The following TAOK1 variants were observed in gnomAD, a reference collection of about 807,000 sequenced individuals.
TAOK1 encodes the protein serine/threonine-protein kinase TAO1.
Under a neutral mutation model 138.3 loss-of-function variants are expected in TAOK1, and 21 were observed. That is an observed-to-expected ratio of 0.15 (90% CI 0.11 to 0.22). The LOEUF (loss-of-function observed/expected upper bound fraction) is 0.22. Among genes scored for constraint, TAOK1 ranks in the 10% least tolerant of loss-of-function variants. TAOK1 has a pLI of 1.00. For synonymous variants in TAOK1, 361 were observed against 398.4 expected (o/e 0.91, Z 1.12); for missense variants, 651 against 1,227.7 (o/e 0.53, Z 7.02).
intron 3 of TAOK1, among the ~76,000 whole-genome samples, chr17:29,473,841 C>T (rs561493539): frequency 6.6e-6 from 1 of 151,950 alleles, no homozygotes; most frequent in Admixed American, 6.6e-5. Context: ...ATTCTCCTTC[C>T]TCTGCGTTTC....
intron 11 of TAOK1, among the ~76,000 whole-genome samples, chr17:29,495,990 A>G (rs376077920): frequency 5.3e-4 from 81 of 152,272 alleles, no homozygotes; most frequent in Middle Eastern, 3.4e-3. Context: ...ATGGTACACA[A>G]TGTCATAATG....
intron 17 of TAOK1, among the ~76,000 whole-genome samples, chr17:29,528,340 G>A (rs1012026529): frequency 1.3e-5 from 2 of 152,058 alleles, no homozygotes; most frequent in Admixed American, 6.6e-5. Context: ...GAGCCACCAC[G>A]CCTGGCCAAG....
chr17:29,472,630 A>G (rs1028874765), intron 3 of TAOK1, among the ~76,000 whole-genome samples: 1 of 146,506 alleles, frequency 6.8e-6, no homozygotes. Flanking sequence ...CTGGGGTGCA[A>G]TGGCACTATC....
intron 15 of TAOK1, chr17:29,511,742 T>G (rs1416878514): frequency 6.6e-6 from 1 of 152,108 alleles, no homozygotes; most frequent in Non-Finnish European, 1.5e-5. Flanking sequence ...AGACAGGGTC[T>G]TGCCATGTTG....
chr17:29,530,347 T>A lies in TAOK1; in HGVS notation c.2149-60T>A, dbSNP rs1019994710. The A allele has an allele frequency of 1.3e-5, 18 of 1,431,994 alleles. No homozygotes were observed. The African/African-American group carries it at 2.0e-4, about 16-fold the overall frequency. The allele number at this position is 1,431,994 out of a possible 1,614,324, so 88.7% of individuals were successfully genotyped here. A position where few individuals can be genotyped will look rare whatever the true frequency, so the allele number is the denominator to read the frequency against. On this transcript the variant is annotated intron_variant, in intron 17 of 19. Coordinates refer to ENST00000261716, the MANE Select transcript of TAOK1 (RefSeq NM_020791.4). ...GCCTTTATTTTCATGTATGTAAGCA[T>A]ACCATATACCAAATGCCTTTCGTTA...
intron 3 of TAOK1, among the ~76,000 whole-genome samples, chr17:29,475,084 G>A (rs2030915978): frequency 6.6e-6 from 1 of 151,808 alleles, no homozygotes; most frequent in Non-Finnish European, 1.5e-5. Flanking sequence ...GGGACTATAG[G>A]TGCACACCAC....
chr17:29,485,360 G>T (rs1256998709), intron 8 of TAOK1, among the ~76,000 whole-genome samples: 1 of 152,170 alleles, frequency 6.6e-6, no homozygotes, highest in Non-Finnish European at 1.5e-5. Flanking sequence ...CTCTCAGCTG[G>T]ATACAGTGGC....
chr17:29,504,287 A>G (rs546022006), intron 13 of TAOK1, among the ~76,000 whole-genome samples: 22 of 150,188 alleles, frequency 1.5e-4, no homozygotes, highest in Admixed American at 1.4e-3. Flanking sequence ...AAAAAAAAAA[A>G]AAAAAAAAAA....
intron 1 of TAOK1, among the ~76,000 whole-genome samples, chr17:29,437,380 T>C (rs1906067604): frequency 6.6e-6 from 1 of 152,052 alleles, no homozygotes; most frequent in Non-Finnish European, 1.5e-5. Flanking sequence ...GCATTTTTAG[T>C]AGAGATGGGG....
chr17:29,428,174 G>A lies in TAOK1; in HGVS notation c.-94-23281G>A, dbSNP rs539017687. ...ATGTTTCCTAGAGGGGAATACCTAG[G>A]CAGAGGAGAGGTAATATCTCAAAAG... On this transcript the variant is annotated intron_variant, in intron 1 of 19. Transcript: ENST00000261716. 6.7e-4 allele frequency among the ~76,000 whole-genome samples: 102 copies of A among 152,214 alleles called. 4 individuals are homozygous for A. The South Asian group carries it at 0.02, about 29-fold the overall frequency.
intron 17 of TAOK1, among the ~76,000 whole-genome samples, chr17:29,524,190 T>C (rs2031966829): frequency 6.6e-6 from 1 of 152,204 alleles, no homozygotes; most frequent in Non-Finnish European, 1.5e-5. Context: ...AAATTAGAAT[T>C]ATAATGATTT....
At chr17:29,463,935 G>A (rs2030592167) in intron 2 of TAOK1, among the ~76,000 whole-genome samples, 1 of 152,140 alleles carries the variant, frequency 6.6e-6, no homozygotes, top group Non-Finnish European at 1.5e-5. Flanking sequence ...AAGAAAATAT[G>A]CAAATGGCCA....
At chr17:29,452,541 T>A (rs2030266157) in intron 2 of TAOK1, among the ~76,000 whole-genome samples, 1 of 152,192 alleles carries the variant, frequency 6.6e-6, no homozygotes, top group African/African-American at 2.4e-5. Context: ...GTTTTAATTA[T>A]TTTTTAACAT....
At chr17:29,450,323 G>A (rs1048349311) in intron 1 of TAOK1, among the ~76,000 whole-genome samples, 1 of 152,178 alleles carries the variant, frequency 6.6e-6, no homozygotes, top group Admixed American at 6.5e-5. Flanking sequence ...CTGGCCGCAA[G>A]TGATCCTTGC....
chr17:29,487,982 T>C (rs1449138101), intron 8 of TAOK1, among the ~76,000 whole-genome samples: 3 of 152,176 alleles, frequency 2.0e-5, no homozygotes, highest in East Asian at 1.9e-4. Flanking sequence ...ATATAAATTA[T>C]AGCATTACCT....
intron 17 of TAOK1, among the ~76,000 whole-genome samples, chr17:29,529,758 C>T (rs967599524): frequency 1.3e-5 from 2 of 151,588 alleles, no homozygotes; most frequent in South Asian, 2.1e-4. Flanking sequence ...CCCAGCTATT[C>T]GGGAGGCTGA....
chr17:29,431,439 C>T (rs999491701), intron 1 of TAOK1, among the ~76,000 whole-genome samples: 3 of 151,670 alleles, frequency 2.0e-5, no homozygotes, highest in Non-Finnish European at 4.4e-5. Flanking sequence ...GAGACCCTGT[C>T]TCTAAATAAA....
In TAOK1 at chr17:29,547,699, C is replaced by G. The variant is rs1488846660; in HGVS notation, c.*4677C>G. 1 of 152,038 alleles carries G rather than the reference C, an allele frequency of 6.6e-6. No individual in the cohort carries two copies. The highest frequency in any genetic ancestry group is 2.4e-5 in the African/African-American group (1 of 41,416). The allele number at this position is 152,038 out of a possible 1,614,324, so 9.4% of individuals were successfully genotyped here. A position where few individuals can be genotyped will look rare whatever the true frequency, so the allele number is the denominator to read the frequency against. On this transcript the variant is annotated 3_prime_UTR_variant, in exon 20 of 20. Coordinates refer to ENST00000261716, the MANE Select transcript of TAOK1 (RefSeq NM_020791.4). ...TTGAGCTGTTTACCAAAATACAGACCATTATTGAAGAAAAACAAATTATCT... is the reference window on the plus strand; with the variant it reads ...TTGAGCTGTTTACCAAAATACAGACGATTATTGAAGAAAAACAAATTATCT...
intron 1 of TAOK1, among the ~76,000 whole-genome samples, chr17:29,433,616 G>T (rs1245014541): frequency 1.3e-5 from 2 of 151,976 alleles, no homozygotes; most frequent in Non-Finnish European, 2.9e-5. Context: ...GGAAAAAAAG[G>T]GGAAATAGGG....
Sources: gnomAD v4.1 joint callset for allele counts (sites outside exome capture counted in the v4.1 genomes callset) on GRCh38, gnomAD v4.1.1 for gene constraint, MANE v1.5 for transcripts, NCBI Gene and HGNC (gene_info 2026-07-23, HGNC 2026-07-21) for gene names.